Variants in CCDC6 observed in about 807,000 individuals in gnomAD.
CCDC6 encodes the protein coiled-coil domain containing 6.
CCDC6 carries 20 observed loss-of-function variants against 56.6 expected under a neutral mutation model. The ratio of observed to expected loss-of-function variants is 0.35; its 90% CI spans 0.25 to 0.51. The LOEUF is 0.51. Ranked by LOEUF, CCDC6 falls within the 20% of genes least tolerant of loss-of-function variation. CCDC6 has a pLI of 0.95. For synonymous variants in CCDC6, 241 were observed against 234.4 expected (o/e 1.03, Z -0.26); for missense variants, 367 against 601.1 (o/e 0.61, Z 4.07).
intron 1 of CCDC6, among the ~76,000 whole-genome samples, chr10:59,889,567 T>C (rs756696095): frequency 6.6e-5 from 10 of 152,216 alleles, no homozygotes; most frequent in Non-Finnish European, 1.3e-4. Flanking sequence ...GGGCCAGCCC[T>C]GGGTCTGTCT....
Position 59,791,976 on chromosome 10 carries a change from T to G in CCDC6, c.*941A>C, listed in dbSNP as rs1440669810. On this transcript the variant is annotated 3_prime_UTR_variant, in exon 9 of 9. Transcript: ENST00000263102. Reference sequence around the variant, plus strand: ...ATGCGATAATGTCCATTTCAAATAGTATTTTCTAATGGTATTTTGCACCTT... The same window carrying G: ...ATGCGATAATGTCCATTTCAAATAGGATTTTCTAATGGTATTTTGCACCTT... 9.0e-6 allele frequency: 2 copies of G among 221,328 alleles called. No homozygotes were observed. Among genetic ancestry groups the G allele is most frequent in the African/African-American group, 4.5e-5 (2 of 44,696 alleles). The allele number at this position is 221,328 out of a possible 1,614,324, so 13.7% of individuals were successfully genotyped here.
intron 7 of CCDC6, among the ~76,000 whole-genome samples, chr10:59,800,331 A>G (rs764139120): frequency 6.6e-6 from 1 of 152,188 alleles, no homozygotes; most frequent in Non-Finnish European, 1.5e-5. Flanking sequence ...CTCTTAACGC[A>G]TCCTAGCAAT....
At chr10:59,895,900 T>C (rs965738160) in intron 1 of CCDC6, among the ~76,000 whole-genome samples, 2 of 152,206 alleles carry the variant, frequency 1.3e-5, no homozygotes, top group Non-Finnish European at 2.9e-5. Context: ...AACTGAGATC[T>C]GCCCTGTGGA....
chr10:59,856,787 A>C (rs1015591649), intron 1 of CCDC6, among the ~76,000 whole-genome samples: 2 of 152,148 alleles, frequency 1.3e-5, no homozygotes, highest in East Asian at 3.9e-4. Flanking sequence ...ATCTAAACAC[A>C]TCCCAATTCA....
At chr10:59,836,155 C>T (rs1158662125) in intron 2 of CCDC6, among the ~76,000 whole-genome samples, 9 of 151,188 alleles carry the variant, frequency 6.0e-5, no homozygotes, top group Non-Finnish European at 1.3e-4. Context: ...AGGTAGGAGG[C>T]AAATGTGTGC....
intron 5 of CCDC6, among the ~76,000 whole-genome samples, chr10:59,810,955 T>C (rs1384211763): frequency 5.3e-5 from 8 of 152,026 alleles, no homozygotes; most frequent in African/African-American, 1.9e-4. Flanking sequence ...GAAAAGAAGA[T>C]GTAACAACAG....
intron 1 of CCDC6, among the ~76,000 whole-genome samples, chr10:59,871,035 C>G (rs2071224418): frequency 6.6e-6 from 1 of 151,944 alleles, no homozygotes; most frequent in South Asian, 2.1e-4. Context: ...GAAAAGCTCG[C>G]CTGAGATACA....
chr10:59,897,742 G>C (rs2393573), intron 1 of CCDC6, among the ~76,000 whole-genome samples: 41,306 of 152,064 alleles, frequency 0.27, 5,935 homozygotes, highest in Non-Finnish European at 0.33. Context: ...AGCAACAGGT[G>C]AAGTGTTTAA....
At position 59,790,777 on chromosome 10, in the gene CCDC6, C is replaced by A. The variant is rs748287851; in HGVS notation, c.*2140G>T. On this transcript the variant is annotated 3_prime_UTR_variant, in exon 9 of 9. Transcript: ENST00000263102. ...TAAAAGGCATTTATCAGGAAATGTT[C>A]GCTCACTCCAAGTGCTTTTTAAAAA... is the stretch of plus-strand genomic sequence containing the variant. 9.3e-6 allele frequency: 2 copies of A among 214,544 alleles called. No individual in the cohort carries two copies. Among genetic ancestry groups the A allele is most frequent in the Non-Finnish European group, 1.9e-5 (2 of 106,142 alleles). The allele number at this position is 214,544 out of a possible 1,614,324, so 13.3% of individuals were successfully genotyped here.
At chr10:59,802,724 A>G (rs1276503232) in intron 7 of CCDC6, among the ~76,000 whole-genome samples, 2 of 152,252 alleles carry the variant, frequency 1.3e-5, no homozygotes, top group African/African-American at 2.4e-5. Flanking sequence ...AGGTACAGTG[A>G]AAGTAAAAAT....
intron 1 of CCDC6, among the ~76,000 whole-genome samples, chr10:59,892,111 AAGG>A (rs1400127617): frequency 6.6e-6 from 1 of 152,202 alleles, no homozygotes; most frequent in Non-Finnish European, 1.5e-5. Flanking sequence ...ACCAGCAGCT[AAGG>A]AGAAGTGGCA....
chr10:59,896,073 A>G (rs892196516), intron 1 of CCDC6, among the ~76,000 whole-genome samples: 1 of 152,234 alleles, frequency 6.6e-6, no homozygotes, highest in Admixed American at 6.5e-5. Flanking sequence ...GAAGCTCCAC[A>G]ATGAAAAACG....
chr10:59,872,970 C>A (rs1393330604), intron 1 of CCDC6, among the ~76,000 whole-genome samples: 1 of 152,150 alleles, frequency 6.6e-6, no homozygotes, highest in African/African-American at 2.4e-5. Context: ...GGCAAGCAAC[C>A]AAACAACTGC....
chr10:59,866,049 T>C (rs568611491), intron 1 of CCDC6, among the ~76,000 whole-genome samples: 1 of 151,914 alleles, frequency 6.6e-6, no homozygotes, highest in East Asian at 1.9e-4. Context: ...CATAATAAGT[T>C]CCCAACCAGA....
intron 5 of CCDC6, among the ~76,000 whole-genome samples, chr10:59,809,795 C>T (rs915625073): frequency 2.0e-5 from 3 of 152,082 alleles, no homozygotes; most frequent in East Asian, 1.9e-4. Context: ...AGTTAGCCTA[C>T]GGTAAAATTG....
chr10:59,799,460 G>A (rs570539897), intron 7 of CCDC6, among the ~76,000 whole-genome samples: 20 of 152,240 alleles, frequency 1.3e-4, no homozygotes, highest in African/African-American at 4.1e-4. Flanking sequence ...CTGTTACCAA[G>A]ACTTCTGCAT....
chr10:59,797,913 G>A (rs1191618307), intron 7 of CCDC6, among the ~76,000 whole-genome samples: 1 of 152,114 alleles, frequency 6.6e-6, no homozygotes, highest in Non-Finnish European at 1.5e-5. Context: ...TGTATGTCCA[G>A]ACTCTCCTTA....
intron 8 of CCDC6, among the ~76,000 whole-genome samples, chr10:59,793,732 A>G (rs1231136515): frequency 1.3e-5 from 2 of 151,790 alleles, no homozygotes; most frequent in Non-Finnish European, 2.9e-5. Context: ...TGCAGTGAGC[A>G]GACATCATGC....
intron 3 of CCDC6, among the ~76,000 whole-genome samples, chr10:59,830,129 T>C (rs955863313): frequency 6.6e-6 from 1 of 152,226 alleles, no homozygotes; most frequent in Non-Finnish European, 1.5e-5. Flanking sequence ...ATGTGATAAC[T>C]GCCTTCAAGT....
Sources: allele counts gnomAD v4.1 joint callset (sites outside exome capture counted in the v4.1 genomes callset), GRCh38; gene constraint gnomAD v4.1.1; transcripts MANE v1.5; gene names NCBI Gene and HGNC (gene_info 2026-07-23, HGNC 2026-07-21).